The following PCF11 variants were observed in gnomAD, a reference collection of about 807,000 sequenced individuals.
PCF11 encodes PCF11 cleavage and polyadenylation factor subunit.
PCF11 carries 19 observed loss-of-function variants against 166.1 expected under a neutral mutation model. The ratio of observed to expected loss-of-function variants is 0.11; its 90% CI spans 0.08 to 0.17. PCF11 has a LOEUF of 0.17. Among genes scored for constraint, PCF11 ranks in the 10% least tolerant of loss-of-function variants. The pLI, the probability that PCF11 is intolerant of heterozygous loss-of-function variation, is 1.00. For missense variants in PCF11, 1,565 were observed against 1,855.5 expected (o/e 0.84, Z 2.88); for synonymous variants, 663 against 644.1 (o/e 1.03, Z -0.44).
exon 8 of PCF11, chr11:83,169,590 C>T: frequency 6.2e-7 from 1 of 1,613,920 alleles, no homozygotes; most frequent in South Asian, 1.1e-5. Flanking sequence ...AGGTTCAACC[C>T]AGATTTGACG....
intron 5 of PCF11, among the ~76,000 whole-genome samples, 162 bp downstream of exon 5, chr11:83,166,876 A>G (rs1860483252): frequency 6.6e-6 from 1 of 152,190 alleles, no homozygotes; most frequent in African/African-American, 2.4e-5. Flanking sequence ...TCTATTTTAC[A>G]GATAAGGAAA....
Position 83,168,730 on chromosome 11 carries a change from G to T in PCF11, c.2395G>T (p.Gly799Trp), listed in dbSNP as rs745999758. ...GTTTGATGGGTCACCAGGACAAATG[G>T]GGGGAGGAGGCCCTTTGAGATTTGA... Residue 799 changes from glycine to tryptophan, a missense_variant, in exon 8 of 16, where the codon GGG becomes TGG. Coordinates refer to ENST00000298281, the Ensembl canonical transcript of PCF11. 2 of 1,613,688 alleles carry T rather than the reference G, an allele frequency of 1.2e-6. No homozygotes were observed. The highest frequency in any genetic ancestry group is 1.7e-6 in the Non-Finnish European group (2 of 1,179,638).
chr11:83,170,433 C>T (rs1565157153), intron 8 of PCF11, among the ~76,000 whole-genome samples: 1 of 152,162 alleles, frequency 6.6e-6, no homozygotes, highest in Non-Finnish European at 1.5e-5. Context: ...AATTGTGTCC[C>T]TGCTTTCACA....
At chr11:83,161,556 T>C (rs1272872269) in intron 2 of PCF11, 104 bp downstream of exon 2, 3 of 845,426 alleles carry the variant, frequency 3.5e-6, no homozygotes, top group Admixed American at 7.1e-5. Context: ...TGAAATGTTT[T>C]ATACTTTTGG....
exon 1 of PCF11, chr11:83,157,185 C>A (rs947400838): frequency 1.2e-5 from 7 of 574,592 alleles, no homozygotes; most frequent in Admixed American, 3.1e-5. Context: ...CCGCCACTGC[C>A]GCCGCCATTT....
chr11:83,165,901 C>T lies in PCF11; in HGVS notation c.1004C>T (p.Ser335Phe), dbSNP rs763428984. ...ACTAAGACAAGTAAAACTATACCCT[C>T]TGAAAAACTAAATTCATCCAAGCAA... The change falls in exon 5 of 16, where the codon TCT becomes TTT. Residue 335 changes from serine (S) to phenylalanine (F), a missense_variant. This residue lies in a region of PCF11 where 468 missense variants were observed against 483.4 expected (regional missense o/e 0.97). Transcript: ENST00000298281. The T allele has an allele frequency of 4.4e-6, 7 of 1,606,654 alleles. No homozygotes were observed. In the South Asian group the frequency reaches 6.7e-5, roughly 15 times the overall value.
At position 83,182,055 on chromosome 11, in the gene PCF11, A is replaced by G. The variant is rs1225888315; in HGVS notation, c.4323+46A>G. 4 of 1,503,748 alleles carry G rather than the reference A, an allele frequency of 2.7e-6. No individual in the cohort carries two copies. The African/African-American group carries it at 5.6e-5, about 21-fold the overall frequency. 93.2% of individuals were successfully genotyped at this position (1,503,748 alleles called of 1,614,324 possible). A position where few individuals can be genotyped will look rare whatever the true frequency, so the allele number is the denominator to read the frequency against. On this transcript the variant is annotated intron_variant, in intron 13 of 15. Coordinates refer to ENST00000298281, the Ensembl canonical transcript of PCF11. ...TTTTCTCACAGTGGGAGTGTCCCTC[A>G]CTTCCTTTATGTAAATACTCATAAA...
chr11:83,166,574 A>G (rs1860469672), exon 5 of PCF11: 8 of 1,613,894 alleles, frequency 5.0e-6, no homozygotes, highest in Admixed American at 1.7e-5. Context: ...GGCGAATGAA[A>G]AAGACTGAAG....
chr11:83,179,891 C>G (rs577216365), intron 11 of PCF11, among the ~76,000 whole-genome samples: 68 of 151,468 alleles, frequency 4.5e-4, no homozygotes, highest in Non-Finnish European at 8.1e-4. Flanking sequence ...GCACTGCATC[C>G]TGGGTGACAG....
At chr11:83,181,142 A>C in exon 12 of PCF11, 2 of 1,611,458 alleles carry the variant, frequency 1.2e-6, no homozygotes, top group Non-Finnish European at 1.7e-6. Context: ...AGAACTGAAA[A>C]GGATGTTAGC....
intron 1 of PCF11, among the ~76,000 whole-genome samples, chr11:83,160,506 A>T (rs910720597): frequency 1.3e-5 from 2 of 151,980 alleles, no homozygotes; most frequent in African/African-American, 4.8e-5. Context: ...TTGCAGTTGA[A>T]CTGGGGCAAC....
chr11:83,169,299 G>A (rs12284052), exon 8 of PCF11: 173,413 of 1,613,516 alleles, frequency 0.11, 18,866 homozygotes, highest in African/African-American at 0.57. Flanking sequence ...CACATGGTCA[G>A]CCAGGGGTTG....
chr11:83,186,282 C>CT (rs371164952), exon 16 of PCF11: 9 of 152,260 alleles, frequency 5.9e-5, no homozygotes, highest in Admixed American at 2.0e-4. Flanking sequence ...GGAGTCCATA[C>CT]TGATGGGAAG....
chr11:83,185,689 T>C (rs1861264997), exon 16 of PCF11: 1 of 152,654 alleles, frequency 6.6e-6, no homozygotes, highest in Admixed American at 6.5e-5. Context: ...TCTGTAAGAA[T>C]GTTTGCTTGA....
At chr11:83,157,674 C>T (rs745421299) in intron 1 of PCF11, 43 bp downstream of exon 1, 3 of 1,549,620 alleles carry the variant, frequency 1.9e-6, no homozygotes, top group Admixed American at 1.7e-5. Context: ...CTAATACTCC[C>T]TGATTTTAGT....
intron 9 of PCF11, 32 bp from the exon 10 acceptor site, chr11:83,177,053 G>C (rs1052844003): frequency 1.4e-6 from 2 of 1,416,722 alleles, no homozygotes; most frequent in Non-Finnish European, 9.3e-7. Context: ...CTTCAAAAGT[G>C]GTTTTTTTTC....
exon 16 of PCF11, chr11:83,185,209 G>A: frequency 5.2e-6 from 1 of 191,848 alleles, no homozygotes; most frequent in Non-Finnish European, 1.1e-5. Context: ...GCTATTCATG[G>A]AGTGTAATAT....
exon 16 of PCF11, chr11:83,186,577 G>T (rs967480381): frequency 1.3e-5 from 2 of 152,160 alleles, no homozygotes; most frequent in African/African-American, 4.8e-5. Context: ...TCATGCTAAG[G>T]AATTTTTATT....
chr11:83,157,497 C>T (rs1310185361), exon 1 of PCF11: 2 of 1,613,682 alleles, frequency 1.2e-6, no homozygotes, highest in Non-Finnish European at 1.7e-6. Context: ...GGACGCCTGT[C>T]GGGATTATCA....
Sources: gnomAD v4.1 joint callset for allele counts (sites outside exome capture counted in the v4.1 genomes callset) on GRCh38, gnomAD v4.1.1 for gene constraint, gnomAD v4.1.1 regional missense constraint, MANE v1.5 for transcripts, NCBI Gene and HGNC (gene_info 2026-07-23, HGNC 2026-07-21) for gene names.